The following ARHGAP6 variants were observed in gnomAD, a reference collection of about 807,000 sequenced individuals.
ARHGAP6 encodes the protein Rho GTPase activating protein 6, also known as rho GTPase-activating protein 6.
A neutral mutation model predicts 55.7 loss-of-function variants in ARHGAP6; 16 were observed. The observed-to-expected ratio is 0.29, with a 90% CI of 0.19 to 0.44. The LOEUF (loss-of-function observed/expected upper bound fraction) is 0.44, where lower values mean the gene tolerates loss of function less well. ARHGAP6 is among the 20% of genes least tolerant of loss of function. ARHGAP6 has a pLI of 1.00. For synonymous variants in ARHGAP6, 382 were observed against 360.9 expected (o/e 1.06, Z -0.66); for missense variants, 698 against 808.9 (o/e 0.86, Z 1.66).
intron 8 of ARHGAP6, among the ~76,000 whole-genome samples, chrX:11,170,337 T>G (rs1398640482): frequency 9.0e-6 from 1 of 111,256 alleles, no homozygotes; most frequent in Non-Finnish European, 1.9e-5. Flanking sequence ...AGGGGGTAAT[T>G]TTACAATGGA....
At chrX:11,483,321 C>T (rs994922057) in intron 1 of ARHGAP6, among the ~76,000 whole-genome samples, 3 of 112,017 alleles carry the variant, frequency 2.7e-5, no homozygotes, top group Non-Finnish European at 5.6e-5. Context: ...ATGTTAACTC[C>T]GTCGCTTCTT....
chrX:11,367,109 A>C (rs986744975), intron 1 of ARHGAP6, among the ~76,000 whole-genome samples: 1 of 111,803 alleles, frequency 8.9e-6, no homozygotes, highest in Admixed American at 9.5e-5. Flanking sequence ...ATAAGGACTC[A>C]CTCTCCTGAA....
intron 1 of ARHGAP6, among the ~76,000 whole-genome samples, chrX:11,326,760 T>C (rs1369095264): frequency 8.9e-6 from 1 of 112,517 alleles, no homozygotes; most frequent in East Asian, 2.8e-4. Flanking sequence ...TCCATAAAAC[T>C]AAATGATGGC....
At chrX:11,567,614 A>C (rs1013609908) in intron 1 of ARHGAP6, among the ~76,000 whole-genome samples, 5 of 106,199 alleles carry the variant, frequency 4.7e-5, no homozygotes, top group Admixed American at 3.0e-4. Flanking sequence ...GGGGACTAGG[A>C]AGCTGGGGCA....
intron 1 of ARHGAP6, among the ~76,000 whole-genome samples, chrX:11,394,229 ATG>A (rs1451239645): frequency 8.9e-6 from 1 of 112,259 alleles, no homozygotes; most frequent in African/African-American, 3.2e-5. Flanking sequence ...CTGCTGCAAC[ATG>A]AATGAGCCTC....
intron 1 of ARHGAP6, among the ~76,000 whole-genome samples, chrX:11,391,640 C>G (rs904267983): frequency 8.9e-6 from 1 of 112,080 alleles, no homozygotes; most frequent in African/African-American, 3.2e-5. Context: ...TTTTGCTGTA[C>G]GTTCTCATCA....
At chrX:11,616,265 A>G (rs2052162430) in intron 1 of ARHGAP6, among the ~76,000 whole-genome samples, 1 of 111,664 alleles carries the variant, frequency 9.0e-6, no homozygotes, top group South Asian at 3.8e-4. Flanking sequence ...GTAACCAAGC[A>G]GATGCCAGTG....
At chrX:11,452,519 T>C (rs1355816102) in intron 1 of ARHGAP6, among the ~76,000 whole-genome samples, 1 of 112,132 alleles carries the variant, frequency 8.9e-6, no homozygotes, top group Non-Finnish European at 1.9e-5. Context: ...CAGAGGAATA[T>C]CCGGAAACAC....
intron 1 of ARHGAP6, among the ~76,000 whole-genome samples, chrX:11,323,104 T>G (rs1015072572): frequency 8.9e-6 from 1 of 112,102 alleles, no homozygotes; most frequent in African/African-American, 3.2e-5. Flanking sequence ...CTGGAAAAAC[T>G]TCTCCCTGGA....
At chrX:11,443,241 A>G (rs1257864643) in intron 1 of ARHGAP6, among the ~76,000 whole-genome samples, 5 of 112,759 alleles carry the variant, frequency 4.4e-5, no homozygotes. Context: ...ACTCCTCTTC[A>G]TCGCTAAAAG....
intron 1 of ARHGAP6, among the ~76,000 whole-genome samples, chrX:11,578,345 A>T (rs926628073): frequency 1.3e-4 from 14 of 111,305 alleles, no homozygotes; most frequent in South Asian, 7.5e-4. Flanking sequence ...TTCATGATTT[A>T]AAAAAAAACC....
intron 3 of ARHGAP6, among the ~76,000 whole-genome samples, chrX:11,192,117 C>A (rs2046468990): frequency 8.9e-6 from 1 of 111,818 alleles, no homozygotes; most frequent in Non-Finnish European, 1.9e-5. Flanking sequence ...ACCTTCATAT[C>A]TGGATGTCCC....
chrX:11,544,272 CA>C (rs1850787861), intron 1 of ARHGAP6, among the ~76,000 whole-genome samples: 1 of 112,456 alleles, frequency 8.9e-6, no homozygotes, highest in African/African-American at 3.2e-5. Flanking sequence ...ACATTAACAG[CA>C]GATGCCTAGT....
At position 11,139,149 on chromosome X, in the gene ARHGAP6, G is replaced by A. The variant is rs768158864; in HGVS notation, c.2639C>T (p.Pro880Leu). The A allele has an allele frequency of 2.8e-5, 34 of 1,205,955 alleles. No individual in the cohort carries two copies. In the South Asian group the frequency reaches 3.5e-4, roughly 13 times the overall value. ...PHGSGRDDKR[P>L]PPPYPGPGKP... Reference sequence around the variant, plus strand: ...CCCTGGGCCCGGGTATGGAGGCGGGGGCCGCTTGTCATCCCTCCCACTCCC... The same window carrying A: ...CCCTGGGCCCGGGTATGGAGGCGGGAGCCGCTTGTCATCCCTCCCACTCCC... The change falls in exon 13 of 13, where the codon CCC becomes CTC. Residue 880 changes from proline (P) to leucine (L), a missense_variant. Pro to Leu is a moderately conservative substitution (Grantham distance 98). Coordinates refer to ENST00000337414, the MANE Select transcript of ARHGAP6 (RefSeq NM_013427.3).
intron 6 of ARHGAP6, among the ~76,000 whole-genome samples, chrX:11,180,015 AT>A (rs202161541): frequency 0.027 from 2,919 of 106,751 alleles, 104 homozygotes; most frequent in African/African-American, 0.094. Flanking sequence ...AAGCAAAGAG[AT>A]TTTTTTTTTC....
intron 2 of ARHGAP6, among the ~76,000 whole-genome samples, chrX:11,198,304 T>C (rs2046570411): frequency 8.9e-6 from 1 of 111,932 alleles, no homozygotes; most frequent in South Asian, 3.7e-4. Flanking sequence ...ATTGGGGAAA[T>C]TATGTAAATC....
intron 8 of ARHGAP6, among the ~76,000 whole-genome samples, chrX:11,170,940 A>T (rs1302063068): frequency 9.0e-6 from 1 of 111,059 alleles, no homozygotes; most frequent in African/African-American, 3.3e-5. Context: ...AGGGTCATCG[A>T]GATGTGACCC....
rs752324331 is a variant in ARHGAP6 at position 11,595,659 on chromosome X, AT to A, written c.588+68581del. Among the ~76,000 whole-genome samples, 967 of 111,811 alleles carry A rather than the reference AT, an allele frequency of 8.6e-3. 8 individuals carry two copies. Among genetic ancestry groups the A allele is most frequent in the African/African-American group, 0.03 (928 of 30,712 alleles). ...CAGGCAACCTACAGAATGGGAGAAA[AT>A]TTTTGCAGTCTATCCATCTGACAAA... On this transcript the variant is annotated intron_variant, in intron 1 of 12. Transcript: ENST00000337414.
intron 1 of ARHGAP6, among the ~76,000 whole-genome samples, chrX:11,283,272 G>A (rs759785002): frequency 9.0e-4 from 101 of 111,828 alleles, no homozygotes; most frequent in Middle Eastern, 4.6e-3. Flanking sequence ...AGGAGATGGA[G>A]AATAACTATA....
Sources: allele counts gnomAD v4.1 joint callset (sites outside exome capture counted in the v4.1 genomes callset), GRCh38; gene constraint gnomAD v4.1.1; transcripts MANE v1.5; gene names NCBI Gene and HGNC (gene_info 2026-07-23, HGNC 2026-07-21).